The following TPPP variants were observed in gnomAD, a reference collection of about 807,000 sequenced individuals.
TPPP encodes the protein tubulin polymerization-promoting protein.
A neutral mutation model predicts 15.5 loss-of-function variants in TPPP; 6 were observed. The observed-to-expected ratio is 0.39, with a 90% CI of 0.21 to 0.77. The LOEUF is 0.77. Ranked by LOEUF, TPPP falls within the 30% of genes least tolerant of loss-of-function variation. TPPP has a pLI of 0.42. For missense variants in TPPP, 269 were observed against 307.2 expected, an observed-to-expected ratio of 0.88 and a Z score of 0.93; for synonymous variants, 146 against 133.9, an observed-to-expected ratio of 1.09 and a Z score of -0.63.
At chr5:692,476 CAAA>C in intron 1 of TPPP, 77 of 913,450 alleles carry the variant, frequency 8.4e-5, no homozygotes, top group Middle Eastern at 5.6e-4. Context: ...AGCAGCCCCC[CAAA>C]CCCCCATCAA....
At chr5:684,687 A>G (rs1009097961) in intron 1 of TPPP, among the ~76,000 whole-genome samples, 4 of 152,112 alleles carry the variant, frequency 2.6e-5, no homozygotes, top group Non-Finnish European at 5.9e-5. Context: ...CAGGGTGGAC[A>G]CCGTGCCACC....
At chr5:673,458 A>T (rs1281894408) in intron 2 of TPPP, among the ~76,000 whole-genome samples, 7 of 151,758 alleles carry the variant, frequency 4.6e-5, no homozygotes, top group Non-Finnish European at 8.8e-5. Context: ...CTGCAGGTGA[A>T]TGGGGAGGGG....
intron 2 of TPPP, chr5:676,067 C>T (rs1265446598): frequency 6.6e-6 from 1 of 152,174 alleles, no homozygotes; most frequent in African/African-American, 2.4e-5. Flanking sequence ...ACTCGCTGGC[C>T]CTGGTTGCCT....
At chr5:668,741 A>G (rs1329021750) in intron 2 of TPPP, among the ~76,000 whole-genome samples, 2 of 152,224 alleles carry the variant, frequency 1.3e-5, no homozygotes, top group Non-Finnish European at 2.9e-5. Context: ...AATGTTTACC[A>G]CTGTTCTGCT....
chr5:696,214 G>A (rs1205205782), upstream of TPPP, among the ~76,000 whole-genome samples: 214 of 139,254 alleles, frequency 1.5e-3, no homozygotes, highest in African/African-American at 5.3e-3. Flanking sequence ...GGGAGATGCT[G>A]GGCCATCTGG....
Position 677,878 on chromosome 5 carries a change from G to A in TPPP, c.183C>T (p.His61=), listed in dbSNP as rs565092007. The A allele has an allele frequency of 4.8e-5, 77 of 1,612,698 alleles. No homozygotes were observed. Among genetic ancestry groups the A allele is most frequent in the East Asian group, 1.6e-4 (7 of 44,858 alleles). ...CCCTCCCGGTGGCCCTGGCGTCCCCGTGCACGGCAAAGCGCCGGAAGGCCT... is the reference window on the plus strand; with the variant it reads ...CCCTCCCGGTGGCCCTGGCGTCCCCATGCACGGCAAAGCGCCGGAAGGCCT... ...LEEAFRRFAV[H]GDARATGREM... Residue 61 remains histidine, a synonymous_variant, in exon 2 of 4, where the codon CAC becomes CAT. Coordinates refer to ENST00000360578, the MANE Select transcript of TPPP (RefSeq NM_007030.3).
chr5:665,938 C>CCCCCCCCCCCCACA, intron 3 of TPPP, 32 bp downstream of exon 3: 3 of 1,366,598 alleles, frequency 2.2e-6, no homozygotes, highest in Non-Finnish European at 1.9e-6. Flanking sequence ...CCACCCCCTC[C>CCCCCCCCCCCCACA]AGGCCCCGCC....
At chr5:698,743 A>C in the TPPP span, among the ~76,000 whole-genome samples, 1 of 152,106 alleles carries the variant, frequency 6.6e-6, no homozygotes, top group Admixed American at 6.6e-5. Context: ...ATTCAAGATG[A>C]GATTTGGGTG....
intron 2 of TPPP, among the ~76,000 whole-genome samples, chr5:670,991 G>A (rs1032469118): frequency 2.4e-4 from 37 of 152,194 alleles, no homozygotes; most frequent in Admixed American, 1.8e-3. Context: ...ACTGGGCCAC[G>A]GCAGCTCAGG....
At position 686,471 on chromosome 5, in the gene TPPP, C is replaced by T. The variant is rs561330273; in HGVS notation, c.-5+6807G>A. Among the ~76,000 whole-genome samples, 5 of 151,638 alleles carry T rather than the reference C, an allele frequency of 3.3e-5. No homozygotes were observed. In the East Asian group the frequency reaches 7.8e-4, roughly 24 times the overall value. ...GCAGCTTCACTGAGTGCCAGACTCA[C>T]GAGGACCCTGCCCTGCCCCGCCCCA... On this transcript the variant is annotated intron_variant, in intron 1 of 3. Coordinates refer to ENST00000360578, the MANE Select transcript of TPPP (RefSeq NM_007030.3).
intron 2 of TPPP, among the ~76,000 whole-genome samples, chr5:669,250 C>T (rs1224294679): frequency 6.7e-6 from 1 of 149,816 alleles, no homozygotes; most frequent in East Asian, 2.0e-4. Flanking sequence ...CGCTGTTGTC[C>T]AGCAGCATCC....
At chr5:688,269 C>T (rs1292911888) in intron 1 of TPPP, among the ~76,000 whole-genome samples, 1 of 143,022 alleles carries the variant, frequency 7.0e-6, no homozygotes, top group East Asian at 2.0e-4. Flanking sequence ...AAAGGGGAAC[C>T]GCGTGGACAT....
chr5:680,882 G>A (rs1373276117), intron 1 of TPPP, among the ~76,000 whole-genome samples: 8 of 152,228 alleles, frequency 5.3e-5, no homozygotes, highest in African/African-American at 1.9e-4. Context: ...ACGACGTGCC[G>A]CTGTGGGAAG....
the TPPP span, among the ~76,000 whole-genome samples, chr5:698,922 T>C: frequency 6.6e-6 from 1 of 152,004 alleles, no homozygotes; most frequent in Non-Finnish European, 1.5e-5. Context: ...TCATTTATTG[T>C]AGCTACAAAA....
At chr5:693,900 C>T (rs1579204524), upstream of TPPP, among the ~76,000 whole-genome samples, 2 of 149,324 alleles carry the variant, frequency 1.3e-5, no homozygotes, top group East Asian at 2.0e-4. Context: ...CAAGGCGGGG[C>T]GCACCCAGGG....
intron 2 of TPPP, among the ~76,000 whole-genome samples, chr5:674,354 G>C (rs982888128): frequency 6.6e-6 from 1 of 152,186 alleles, no homozygotes; most frequent in African/African-American, 2.4e-5. Flanking sequence ...GCACTGGGGG[G>C]CACAGGGGCC....
At chr5:688,387 C>G (rs1740817477) in intron 1 of TPPP, among the ~76,000 whole-genome samples, 1 of 144,994 alleles carries the variant, frequency 6.9e-6, no homozygotes, top group Non-Finnish European at 1.6e-5. Flanking sequence ...GTGGACGGAC[C>G]ACTCGCGCAC....
At position 664,895 on chromosome 5, in the gene TPPP, G is replaced by C; in HGVS notation, c.*207C>G. Reference sequence around the variant, plus strand: ...GTGTATTAGGAGGGTCAGCGAACTGGGGCCCAAACCTGGTTTGAGAGGGGA... The same window carrying C: ...GTGTATTAGGAGGGTCAGCGAACTGCGGCCCAAACCTGGTTTGAGAGGGGA... On this transcript the variant is annotated 3_prime_UTR_variant, in exon 4 of 4. Transcript: ENST00000360578. 1.7e-5 allele frequency: 10 copies of C among 598,622 alleles called. No homozygotes were observed. The South Asian group carries it at 1.8e-4, about 11-fold the overall frequency. The allele number at this position is 598,622 out of a possible 1,614,324, so 37.1% of individuals were successfully genotyped here.
At chr5:696,800 GT>G (rs1741019951), upstream of TPPP, among the ~76,000 whole-genome samples, 1 of 117,564 alleles carries the variant, frequency 8.5e-6, no homozygotes, top group African/African-American at 2.8e-5. Flanking sequence ...GCACCTGTAT[GT>G]GTGAGTATGC....
Sources: gnomAD v4.1 joint callset for allele counts (sites outside exome capture counted in the v4.1 genomes callset) on GRCh38, gnomAD v4.1.1 for gene constraint, MANE v1.5 for transcripts, NCBI Gene and HGNC (gene_info 2026-07-23, HGNC 2026-07-21) for gene names.